The following BROX variants were observed in gnomAD, a reference collection of about 807,000 sequenced individuals.
BROX encodes BRO1 domain and CAAX motif containing, also known as BRO1 domain-containing protein BROX.
Under a neutral mutation model 61.0 loss-of-function variants are expected in BROX, and 53 were observed. The observed-to-expected ratio is 0.87, with a 90% CI of 0.70 to 1.09. The LOEUF (loss-of-function observed/expected upper bound fraction) is 1.09. Ranked by LOEUF, BROX falls within the 50% of genes least tolerant of loss-of-function variation. The pLI is 0.00. For missense variants in BROX, 489 were observed against 472.0 expected, an observed-to-expected ratio of 1.04 and a Z score of -0.33; for synonymous variants, 152 against 160.2, an observed-to-expected ratio of 0.95 and a Z score of 0.38.
Position 222,724,079 on chromosome 1 carries a change from C to A in BROX, c.402-13C>A, listed in dbSNP as rs757269845. On this transcript the variant is annotated splice_polypyrimidine_tract_variant and intron_variant, in intron 5 of 12. Coordinates refer to ENST00000340934, the MANE Select transcript of BROX (RefSeq NM_144695.4). ...GAATTCATCCTCTAACTAATGTAAC[C>A]CCTATCTTTAAGTATAACAGAAGAT... 6.3e-7 allele frequency: 1 copy of A among 1,587,062 alleles called. No individual in the cohort carries two copies. The highest frequency in any genetic ancestry group is 1.4e-5 in the African/African-American group (1 of 73,910).
At chr1:222,731,784 A>G (rs1657959708) in intron 12 of BROX, among the ~76,000 whole-genome samples, 6 of 152,192 alleles carry the variant, frequency 3.9e-5, no homozygotes, top group Admixed American at 2.6e-4. Flanking sequence ...CTCCTTTAAG[A>G]AGAATGTGGG....
chr1:222,719,056 G>GT, intron 3 of BROX, 25 bp downstream of exon 3: 1 of 1,575,458 alleles, frequency 6.3e-7, no homozygotes, highest in Non-Finnish European at 8.7e-7. Context: ...TGAACTTGAG[G>GT]TTTTTTAAAA....
In BROX at chr1:222,725,478, C is replaced by G. The variant is rs1465407786; in HGVS notation, c.503C>G (p.Pro168Arg). The G allele has an allele frequency of 6.2e-7, 1 of 1,611,754 alleles. No homozygotes were observed. Among genetic ancestry groups the G allele is most frequent in the East Asian group, 2.2e-5 (1 of 44,794 alleles). The stretch of plus-strand genomic sequence containing the variant: ...AGTCATCTCCCAAAACTCATTACAC[C>G]TGCGGAAAAAGGAAGAGATTTAGAG... ...KESHLPKLIT[P>R]AEKGRDLESR... Residue 168 changes from proline to arginine, a missense_variant, in exon 7 of 13, where the codon CCT becomes CGT. Physicochemically the swap from Pro to Arg is moderately radical, Grantham distance 103 (BLOSUM62 -2). Coordinates refer to ENST00000340934, the MANE Select transcript of BROX (RefSeq NM_144695.4).
chr1:222,720,590 TC>T (rs1271779357), intron 4 of BROX, among the ~76,000 whole-genome samples: 1 of 152,108 alleles, frequency 6.6e-6, no homozygotes, highest in African/African-American at 2.4e-5. Flanking sequence ...GGCAGGCAGA[TC>T]ACTTGAGTTC....
intron 8 of BROX, 129 bp downstream of exon 8, chr1:222,727,386 T>C (rs926592339): frequency 1.3e-5 from 9 of 686,544 alleles, no homozygotes. Flanking sequence ...TAATATTTTA[T>C]TTATTGCATT....
chr1:222,720,232 G>C (rs1421921167), intron 4 of BROX, among the ~76,000 whole-genome samples: 1 of 152,142 alleles, frequency 6.6e-6, no homozygotes, highest in Non-Finnish European at 1.5e-5. Context: ...ACTGACAACA[G>C]TACTAGGCTT....
chr1:222,730,407 G>A (rs1404059438), intron 11 of BROX, among the ~76,000 whole-genome samples: 1 of 151,970 alleles, frequency 6.6e-6, no homozygotes, highest in Non-Finnish European at 1.5e-5. Context: ...ACCAGCCTGG[G>A]CAACATGGCA....
chr1:222,720,674 G>A (rs916346649), intron 4 of BROX, among the ~76,000 whole-genome samples: 1 of 151,848 alleles, frequency 6.6e-6, no homozygotes, highest in Non-Finnish European at 1.5e-5. Flanking sequence ...TTAGCTACGT[G>A]TGGTGGAAGG....
In BROX at chr1:222,732,875, G is replaced by A. The variant is rs1409794559; in HGVS notation, c.*161G>A. Reference sequence around the variant, plus strand: ...ACTTGTTCTTAATTTTTAATACAGCGGAGATGTTTCTTGCTTTGTTTTCAG... The same window carrying A: ...ACTTGTTCTTAATTTTTAATACAGCAGAGATGTTTCTTGCTTTGTTTTCAG... On this transcript the variant is annotated 3_prime_UTR_variant, in exon 13 of 13. Transcript: ENST00000340934. 3.2e-5 allele frequency: 19 copies of A among 598,420 alleles called. No individual in the cohort carries two copies. The highest frequency in any genetic ancestry group is 1.5e-4 in the South Asian group (7 of 45,584). The allele number at this position is 598,420 out of a possible 1,614,324, so 37.1% of individuals were successfully genotyped here. A position where few individuals can be genotyped will look rare whatever the true frequency, so the allele number is the denominator to read the frequency against.
chr1:222,718,993 T>G lies in BROX; in HGVS notation c.170T>G (p.Met57Arg), dbSNP rs568430174. 6.2e-7 allele frequency: 1 copy of G among 1,613,854 alleles called. No individual in the cohort carries two copies. Among genetic ancestry groups the G allele is most frequent in the African/African-American group, 1.3e-5 (1 of 75,020 alleles). ...GATTTGAGCTGTAATCCAGAAATGA[T>G]GAAGAATGCAGCAGATTCATATTTC... The part of the protein sequence containing the change: ...FTDLSCNPEM[M>R]KNAADSYFSL... Residue 57 changes from methionine to arginine, a missense_variant, in exon 3 of 13, where the codon ATG becomes AGG. Coordinates refer to ENST00000340934, the MANE Select transcript of BROX (RefSeq NM_144695.4).
At chr1:222,720,758 A>T (rs1302548684) in intron 4 of BROX, among the ~76,000 whole-genome samples, 1 of 152,146 alleles carries the variant, frequency 6.6e-6, no homozygotes, top group Non-Finnish European at 1.5e-5. Context: ...GGTTGCAGTG[A>T]GCTGAGATGA....
chr1:222,727,264 T>C lies in BROX; in HGVS notation c.670+7T>C, dbSNP rs1228121799. Reference sequence around the variant, plus strand: ...AATTTCTATCAAAAAGCTGGTAAGCTTCTAATTCTGTCGTTACATTTTTAG... The same window carrying C: ...AATTTCTATCAAAAAGCTGGTAAGCCTCTAATTCTGTCGTTACATTTTTAG... On this transcript the variant is annotated splice_region_variant and intron_variant, in intron 8 of 12. Coordinates refer to ENST00000340934, the MANE Select transcript of BROX (RefSeq NM_144695.4). The C allele has an allele frequency of 6.3e-7, 1 of 1,592,708 alleles. No homozygotes were observed. Among genetic ancestry groups the C allele is most frequent in the South Asian group, 1.1e-5 (1 of 90,342 alleles).
At chr1:222,717,865 C>T (rs1017338693) in intron 2 of BROX, 3 of 152,180 alleles carry the variant, frequency 2.0e-5, no homozygotes, top group Admixed American at 6.5e-5. Flanking sequence ...TAGGCACCTA[C>T]CAAATTCTGG....
At chr1:222,716,287 C>T (rs867825217) in intron 2 of BROX, among the ~76,000 whole-genome samples, 78 of 152,106 alleles carry the variant, frequency 5.1e-4, no homozygotes, top group African/African-American at 1.6e-3. Flanking sequence ...TTAGTAGAGA[C>T]GGGTTTTCAC....
intron 12 of BROX, among the ~76,000 whole-genome samples, chr1:222,731,971 A>G (rs1469728138): frequency 1.3e-5 from 2 of 152,188 alleles, no homozygotes; most frequent in African/African-American, 4.8e-5. Context: ...CAAATAGTAA[A>G]TTAAGTGGAA....
chr1:222,718,627 T>G (rs929424408), intron 2 of BROX, among the ~76,000 whole-genome samples: 6 of 152,216 alleles, frequency 3.9e-5, no homozygotes, highest in Admixed American at 6.5e-5. Context: ...ATTTTTATTA[T>G]GTAATTGAAT....
chr1:222,720,580 G>A (rs1657007680), intron 4 of BROX, among the ~76,000 whole-genome samples: 1 of 152,094 alleles, frequency 6.6e-6, no homozygotes, highest in East Asian at 1.9e-4. Context: ...GGGAGACCGA[G>A]GCAGGCAGAT....
In BROX at chr1:222,712,566, T is replaced by G; in HGVS notation, c.-393T>G. 2.9e-6 allele frequency: 4 copies of G among 1,376,294 alleles called. No homozygotes were observed. Among genetic ancestry groups the G allele is most frequent in the Non-Finnish European group, 2.8e-6 (3 of 1,059,464 alleles). The allele number at this position is 1,376,294 out of a possible 1,614,324, so 85.3% of individuals were successfully genotyped here. On this transcript the variant is annotated 5_prime_UTR_variant, in exon 1 of 13. Coordinates refer to ENST00000340934, the MANE Select transcript of BROX (RefSeq NM_144695.4). Reference sequence around the variant, plus strand: ...CCGGGTTAGGTTGAGGCCGCCCCACTGCGCCGAGGGCCGCCATCGCTATTG... The same window carrying G: ...CCGGGTTAGGTTGAGGCCGCCCCACGGCGCCGAGGGCCGCCATCGCTATTG...
chr1:222,718,365 G>C (rs1656795286), intron 2 of BROX, among the ~76,000 whole-genome samples: 1 of 152,080 alleles, frequency 6.6e-6, no homozygotes, highest in South Asian at 2.1e-4. Context: ...ACATATTCTT[G>C]ATGTATATGT....
Sources: allele counts gnomAD v4.1 joint callset (sites outside exome capture counted in the v4.1 genomes callset), GRCh38; gene constraint gnomAD v4.1.1; transcripts MANE v1.5; gene names NCBI Gene and HGNC (gene_info 2026-07-23, HGNC 2026-07-21).